Variants in SCN9A observed in about 807,000 individuals in gnomAD.
The protein encoded by SCN9A is sodium channel protein type 9 subunit alpha.
A neutral mutation model predicts 187.0 loss-of-function variants in SCN9A; 131 were observed. That is an observed-to-expected ratio of 0.70 (90% CI 0.61 to 0.81). The LOEUF is 0.81. Ranked by LOEUF, SCN9A falls within the 30% of genes least tolerant of loss-of-function variation. The pLI, the probability that SCN9A is intolerant of heterozygous loss-of-function variation, is 0.00. For synonymous variants in SCN9A, 809 were observed against 808.6 expected, an observed-to-expected ratio of 1.00 and a Z score of -0.01; for missense variants, 2,252 against 2,396.6, an observed-to-expected ratio of 0.94 and a Z score of 1.26.
chr2:166,308,790 G>T (rs564896638), intron 2 of SCN9A, among the ~76,000 whole-genome samples: 2 of 152,030 alleles, frequency 1.3e-5, no homozygotes, highest in South Asian at 2.1e-4. Flanking sequence ...GCCAGGTGTG[G>T]TGGCGGGTAC....
chr2:166,301,843 G>T (rs1425037152), intron 7 of SCN9A: 1 of 150,930 alleles, frequency 6.6e-6, no homozygotes, highest in Non-Finnish European at 1.5e-5. Context: ...AATATAAAAA[G>T]AAGGGGAAAA....
intron 7 of SCN9A, among the ~76,000 whole-genome samples, chr2:166,296,404 G>C (rs576012775): frequency 1.0e-3 from 155 of 152,266 alleles, no homozygotes; most frequent in African/African-American, 3.7e-3. Flanking sequence ...ATAAAGCCTT[G>C]CAGTTTGAGG....
At chr2:166,358,742 T>A (rs1236925753) in intron 1 of SCN9A, among the ~76,000 whole-genome samples, 1 of 152,220 alleles carries the variant, frequency 6.6e-6, no homozygotes. Flanking sequence ...CTTCAAGTAC[T>A]TCATAAGTGT....
intron 1 of SCN9A, among the ~76,000 whole-genome samples, chr2:166,373,819 T>C (rs942574518): frequency 1.3e-5 from 2 of 152,052 alleles, no homozygotes; most frequent in Non-Finnish European, 2.9e-5. Flanking sequence ...AAGTACCATA[T>C]AAATCCTTCT....
At chr2:166,213,459 CAATAATAATAATAAT>C (rs75970260) in intron 24 of SCN9A, among the ~76,000 whole-genome samples, 5 of 140,958 alleles carry the variant, frequency 3.5e-5, no homozygotes, top group African/African-American at 1.3e-4. Flanking sequence ...CAAATTGAAC[CAATAATAATAATAAT>C]AATAATAATA....
At chr2:166,231,777 T>G (rs1695097601) in intron 21 of SCN9A, among the ~76,000 whole-genome samples, 1 of 151,988 alleles carries the variant, frequency 6.6e-6, no homozygotes, top group Non-Finnish European at 1.5e-5. Flanking sequence ...GGTCTCGAAC[T>G]CCTGACCTCA....
rs559967553 is a variant in SCN9A, at chr2:166,268,199, GA to G, written c.3351+4199del. Among the ~76,000 whole-genome samples the G allele has an allele frequency of 2.0e-3, 303 of 151,926 alleles. 2 individuals are homozygous for G. The highest frequency in any genetic ancestry group is 6.5e-3 in the African/African-American group (268 of 41,512). On this transcript the variant is annotated intron_variant, in intron 17 of 26. Transcript: ENST00000642356. ...AATCTATTTTACACATAAATAAACT[GA>G]AAAAAATGTTTTTGTAAATTGCTCA...
chr2:166,334,246 A>G (rs1342955785), intron 1 of SCN9A, among the ~76,000 whole-genome samples: 2 of 152,096 alleles, frequency 1.3e-5, no homozygotes, highest in African/African-American at 4.8e-5. Flanking sequence ...AAAATTACAA[A>G]AATTCTTCAT....
At chr2:166,204,575 T>A in intron 24 of SCN9A, 111 bp from the exon 25 acceptor site, 2 of 596,594 alleles carry the variant, frequency 3.4e-6, no homozygotes, top group Non-Finnish European at 5.6e-6. Context: ...TAAAATGTAT[T>A]TTATTATGTT....
chr2:166,242,165 C>T (rs532454513), intron 19 of SCN9A, among the ~76,000 whole-genome samples: 1 of 152,270 alleles, frequency 6.6e-6, no homozygotes, highest in Admixed American at 6.5e-5. Context: ...AATAAAACCT[C>T]TAACCTTCTC....
chr2:166,336,515 G>A (rs1244158075), intron 1 of SCN9A, among the ~76,000 whole-genome samples: 1 of 152,068 alleles, frequency 6.6e-6, no homozygotes, highest in Non-Finnish European at 1.5e-5. Context: ...GTTCCTATAG[G>A]AATGCCCCCA....
intron 20 of SCN9A, among the ~76,000 whole-genome samples, chr2:166,235,905 C>A (rs1232654266): frequency 1.3e-5 from 2 of 151,916 alleles, no homozygotes; most frequent in Non-Finnish European, 2.9e-5. Flanking sequence ...TTTAAATTTT[C>A]AAATAAAACA....
In SCN9A at chr2:166,281,750, T is replaced by C. The variant is rs748699199; in HGVS notation, c.2033A>G (p.Asp678Gly). 3.1e-6 allele frequency: 5 copies of C among 1,613,376 alleles called. No homozygotes were observed. The East Asian group carries it at 8.9e-5, about 29-fold the overall frequency. Residue 678 changes from aspartate to glycine, a missense_variant, in exon 13 of 27, where the codon GAT (aspartate) becomes GGT (glycine). By Grantham distance (94) the Asp-to-Gly change is moderately conservative. Around this residue, in one of 7 missense-constraint regions of SCN9A, gnomAD observed 1,013 missense variants for 997.4 expected, o/e 1.02. Coordinates refer to ENST00000642356, the MANE Select transcript of SCN9A (RefSeq NM_001365536.1). ...RRCSSYLLSE[D>G]MLNDPNLRQR... Reference sequence around the variant, plus strand: ...TCTGAGGTTGGGATCATTCAGCATATCCTCTGAAAGGAGATAGGAACTACA... The same window carrying C: ...TCTGAGGTTGGGATCATTCAGCATACCCTCTGAAAGGAGATAGGAACTACA...
chr2:166,261,111 TTAAAA>T (rs1696485773), intron 17 of SCN9A, among the ~76,000 whole-genome samples: 1 of 151,958 alleles, frequency 6.6e-6, no homozygotes, highest in African/African-American at 2.4e-5. Context: ...ACTGCATCTC[TTAAAA>T]TAGAAAATTA....
At position 166,360,766 on chromosome 2, in the gene SCN9A, C is replaced by T. The variant is rs1390196240; in HGVS notation, c.-51+14931G>A. Reference sequence around the variant, plus strand: ...TAAAGTGCCTACCACAGTGCCTAGGCTAAATAAATAACAGCAAGATTATTA... The same window carrying T: ...TAAAGTGCCTACCACAGTGCCTAGGTTAAATAAATAACAGCAAGATTATTA... On this transcript the variant is annotated intron_variant, in intron 1 of 26. Coordinates refer to ENST00000642356, the MANE Select transcript of SCN9A (RefSeq NM_001365536.1). Among the ~76,000 whole-genome samples the T allele has an allele frequency of 2.0e-5, 3 of 152,098 alleles. No homozygotes were observed. In the East Asian group the frequency reaches 5.8e-4, roughly 29 times the overall value.
rs190380742 is a variant in SCN9A at position 166,307,574 on chromosome 2, C to T, written c.259-500G>A. ...AAAATATTTTCCTAAGTTGAAGGAA[C>T]GTCAGAGTTGGAAGAATCCTTCCAA... On this transcript the variant is annotated intron_variant, in intron 2 of 26. Coordinates refer to ENST00000642356, the MANE Select transcript of SCN9A (RefSeq NM_001365536.1). Among the ~76,000 whole-genome samples the T allele has an allele frequency of 1.9e-4, 29 of 152,266 alleles. 2 individuals carry two copies. In the East Asian group the frequency reaches 4.2e-3, roughly 22 times the overall value.
chr2:166,230,984 C>T (rs1383866163), intron 21 of SCN9A, among the ~76,000 whole-genome samples: 1 of 152,134 alleles, frequency 6.6e-6, no homozygotes. Flanking sequence ...ATTTATCCTT[C>T]AAAATAGCCC....
At chr2:166,361,369 A>G (rs1245353238) in intron 1 of SCN9A, among the ~76,000 whole-genome samples, 4 of 152,118 alleles carry the variant, frequency 2.6e-5, no homozygotes, top group Non-Finnish European at 5.9e-5. Flanking sequence ...CTTTCAACTC[A>G]GAATATTTTA....
At position 166,370,229 on chromosome 2, in the gene SCN9A, A is replaced by ATCATCATCATCATC. The variant is rs1553507725; in HGVS notation, c.-51+5467_-51+5468insGATGATGATGATGA. Among the ~76,000 whole-genome samples, 476 of 136,778 alleles carry ATCATCATCATCATC rather than the reference A, an allele frequency of 3.5e-3. 4 individuals are homozygous for ATCATCATCATCATC. The highest frequency in any genetic ancestry group is 0.012 in the African/African-American group (422 of 36,108). 89.7% of individuals were successfully genotyped at this position (136,778 alleles called of 152,430 possible). On this transcript the variant is annotated intron_variant, in intron 1 of 26. Transcript: ENST00000642356. ...TAATAATAATAATAATAATAATAAT[A>ATCATCATCATCATC]ATAATAATCATCATCATCATCATTA...
Sources: gnomAD v4.1 joint callset for allele counts (sites outside exome capture counted in the v4.1 genomes callset) on GRCh38, gnomAD v4.1.1 for gene constraint, gnomAD v4.1.1 regional missense constraint, MANE v1.5 for transcripts, NCBI Gene and HGNC (gene_info 2026-07-23, HGNC 2026-07-21) for gene names.